PUS7: variants seen among roughly 807,000 people sequenced by gnomAD.
PUS7 encodes the protein pseudouridylate synthase 7 homolog.
In PUS7, 48 loss-of-function variants were observed where a neutral mutation model predicts 79.8. The ratio of observed to expected loss-of-function variants is 0.60; its 90% confidence interval spans 0.48 to 0.76. The LOEUF (loss-of-function observed/expected upper bound fraction) is 0.76, where lower values mean the gene tolerates loss of function less well. Ranked by LOEUF, PUS7 falls within the 30% of genes least tolerant of loss-of-function variation. PUS7 has a pLI of 0.00. For synonymous variants in PUS7, 286 were observed against 272.2 expected (o/e 1.05, Z -0.50); for missense variants, 729 against 797.6 (o/e 0.91, Z 1.04).
At chr7:105,477,546 C>T (rs2030636950) in intron 9 of PUS7, among the ~76,000 whole-genome samples, 1 of 152,136 alleles carries the variant, frequency 6.6e-6, no homozygotes, top group African/African-American at 2.4e-5. Context: ...AGCCACTGTG[C>T]CTGGCTCACT....
chr7:105,488,504 C>T (rs978073907), intron 7 of PUS7, among the ~76,000 whole-genome samples: 1 of 152,190 alleles, frequency 6.6e-6, no homozygotes, highest in Non-Finnish European at 1.5e-5. Context: ...TCAGTAATTT[C>T]ACTGCTAAGT....
intron 7 of PUS7, among the ~76,000 whole-genome samples, chr7:105,483,491 G>C (rs550077496): frequency 6.6e-6 from 1 of 152,070 alleles, no homozygotes; most frequent in South Asian, 2.1e-4. Context: ...GTAGAGACGG[G>C]TTTCACCATG....
intron 12 of PUS7, among the ~76,000 whole-genome samples, chr7:105,467,004 C>G (rs940604808): frequency 7.1e-6 from 1 of 140,712 alleles, no homozygotes; most frequent in Non-Finnish European, 1.5e-5. Flanking sequence ...AGTTTGGAAT[C>G]AGATAGAACT....
chr7:105,486,240 A>G (rs1824544796), intron 7 of PUS7, among the ~76,000 whole-genome samples: 1 of 151,536 alleles, frequency 6.6e-6, no homozygotes, highest in South Asian at 2.1e-4. Flanking sequence ...TTTAGCAGAG[A>G]CGGGGTTTCA....
At chr7:105,500,484 T>G (rs1008379790) in intron 5 of PUS7, among the ~76,000 whole-genome samples, 21 of 152,142 alleles carry the variant, frequency 1.4e-4, no homozygotes, top group Admixed American at 1.4e-3. Flanking sequence ...GATTATCACT[T>G]CCAAGAAGCC....
intron 2 of PUS7, among the ~76,000 whole-genome samples, chr7:105,507,406 G>A (rs1335138245): frequency 6.6e-6 from 1 of 152,088 alleles, no homozygotes; most frequent in African/African-American, 2.4e-5. Context: ...ACTAAGTAGC[G>A]AACTTCACAC....
At chr7:105,517,037 C>T (rs1825922653) in intron 1 of PUS7, among the ~76,000 whole-genome samples, 1 of 152,144 alleles carries the variant, frequency 6.6e-6, no homozygotes, top group Non-Finnish European at 1.5e-5. Flanking sequence ...CACAAATACA[C>T]TATCCATGAT....
At chr7:105,502,390 G>C in intron 5 of PUS7, 30 bp downstream of exon 5, 1 of 1,612,992 alleles carries the variant, frequency 6.2e-7, no homozygotes, top group Non-Finnish European at 8.5e-7. Flanking sequence ...ACGGCTGCCT[G>C]GCAGGAGGAA....
In PUS7 at chr7:105,461,539, T is replaced by G. The variant is rs1823426744; in HGVS notation, c.1757+1082A>C. ...CGGCTTAGCTTCATTTACTTCTTGATGATTTGAAAAATACAAAGTAGTAGC... is the reference window on the plus strand; with the variant it reads ...CGGCTTAGCTTCATTTACTTCTTGAGGATTTGAAAAATACAAAGTAGTAGC... On this transcript the variant is annotated intron_variant, in intron 14 of 15. Transcript: ENST00000469408. Among the ~76,000 whole-genome samples, 3 of 152,234 alleles carry G rather than the reference T, an allele frequency of 2.0e-5. No homozygotes were observed. In the South Asian group the frequency reaches 6.2e-4, roughly 32 times the overall value.
rs1262099861 is a variant in PUS7 at position 105,511,692 on chromosome 7, T to C, written c.-32-3148A>G. On this transcript the variant is annotated intron_variant, in intron 1 of 15. Transcript: ENST00000469408. ...AGGAGAATCGTTTGAACCCAGGAGGTAGAGGTTGCACTGAGTCAAGATGAC... is the reference window on the plus strand; with the variant it reads ...AGGAGAATCGTTTGAACCCAGGAGGCAGAGGTTGCACTGAGTCAAGATGAC... 2.0e-5 allele frequency among the ~76,000 whole-genome samples: 3 copies of C among 151,470 alleles called. 1 individual carries two copies. The highest frequency in any genetic ancestry group is 4.8e-5 in the African/African-American group (2 of 41,254).
chr7:105,504,431 A>G (rs2133233991), intron 4 of PUS7, among the ~76,000 whole-genome samples: 1 of 152,318 alleles, frequency 6.6e-6, no homozygotes, highest in South Asian at 2.1e-4. Flanking sequence ...CATTACGATT[A>G]CAGGTAAATG....
intron 2 of PUS7, among the ~76,000 whole-genome samples, 177 bp from the exon 3 acceptor site, chr7:105,506,450 C>G (rs1016402360): frequency 1.5e-4 from 22 of 149,442 alleles, no homozygotes; most frequent in South Asian, 4.2e-4. Context: ...TGAGATGGAG[C>G]CTTGCTCTGT....
At chr7:105,482,474 A>T in intron 7 of PUS7, 34 bp from the exon 8 acceptor site, 1 of 1,551,452 alleles carries the variant, frequency 6.4e-7, no homozygotes, top group Non-Finnish European at 8.7e-7. Context: ...ACAAAACAAA[A>T]AAGAGTAGAA....
intron 14 of PUS7, among the ~76,000 whole-genome samples, chr7:105,461,134 T>A (rs1210594967): frequency 6.6e-6 from 1 of 152,198 alleles, no homozygotes; most frequent in Non-Finnish European, 1.5e-5. Context: ...TCCAATAAAG[T>A]ATTTTTAAAC....
chr7:105,496,196 C>CATATATATATATAT (rs1159713098), intron 5 of PUS7, among the ~76,000 whole-genome samples: 1 of 81,538 alleles, frequency 1.2e-5, no homozygotes, highest in East Asian at 4.1e-4. Flanking sequence ...CACACACACA[C>CATATATATATATAT]ATATATATAT....
intron 1 of PUS7, among the ~76,000 whole-genome samples, chr7:105,509,288 A>G (rs1279520091): frequency 6.6e-6 from 1 of 151,634 alleles, no homozygotes; most frequent in Non-Finnish European, 1.5e-5. Context: ...TATAGAAATA[A>G]TTCTTCCAGA....
At chr7:105,469,546 G>C (rs1369036112) in intron 11 of PUS7, among the ~76,000 whole-genome samples, 1 of 152,146 alleles carries the variant, frequency 6.6e-6, no homozygotes, top group African/African-American at 2.4e-5. Context: ...TGCAACCTCT[G>C]CCTCTTGGGT....
rs1193048512 is a variant in PUS7, at chr7:105,488,657, C to T, written c.920+2883G>A. Among the ~76,000 whole-genome samples the T allele has an allele frequency of 2.0e-5, 3 of 152,258 alleles. No individual in the cohort carries two copies. In the East Asian group the frequency reaches 5.8e-4, roughly 29 times the overall value. On this transcript the variant is annotated intron_variant, in intron 7 of 15. Transcript: ENST00000469408. Reference sequence around the variant, plus strand: ...TAGTTTAAATTAGGATATATCCATACATTCAAACATATTTTGCTATATACC... The same window carrying T: ...TAGTTTAAATTAGGATATATCCATATATTCAAACATATTTTGCTATATACC...
At chr7:105,501,815 C>T (rs1204402441) in intron 5 of PUS7, among the ~76,000 whole-genome samples, 3 of 151,780 alleles carry the variant, frequency 2.0e-5, no homozygotes, top group Admixed American at 1.3e-4. Context: ...ATTAGCCAGG[C>T]GTGGTGGCAG....
Sources: allele counts gnomAD v4.1 joint callset (sites outside exome capture counted in the v4.1 genomes callset), GRCh38; gene constraint gnomAD v4.1.1; transcripts MANE v1.5; gene names NCBI Gene and HGNC (gene_info 2026-07-23, HGNC 2026-07-21).